Variants in LHFPL5 observed in about 807,000 individuals in gnomAD.
LHFPL5 encodes the protein LHFPL tetraspan subfamily member 5 protein.
LHFPL5 carries 12 observed loss-of-function variants against 18.7 expected under a neutral mutation model. The ratio of observed to expected loss-of-function variants is 0.64; its 90% CI spans 0.41 to 1.04. The LOEUF is 1.04. LHFPL5 is among the 50% of genes least tolerant of loss of function. The probability of loss-of-function intolerance (pLI) is 0.00; values close to 1 mark genes in which losing one functional copy is unlikely to be tolerated. For synonymous variants in LHFPL5, 111 were observed against 120.2 expected, an observed-to-expected ratio of 0.92 and a Z score of 0.50; for missense variants, 259 against 292.1, an observed-to-expected ratio of 0.89 and a Z score of 0.83.
chr6:35,813,795 T>C (rs1369381891), intron 1 of LHFPL5, among the ~76,000 whole-genome samples: 16 of 145,602 alleles, frequency 1.1e-4, no homozygotes, highest in Non-Finnish European at 2.1e-4. Context: ...CCTTTTCCTT[T>C]TTTTTTTTTT....
At chr6:35,819,938 CA>C in intron 3 of LHFPL5, 1 of 197,796 alleles carries the variant, frequency 5.1e-6, no homozygotes. Flanking sequence ...CCCTGCCTCC[CA>C]AAGTGCTGGG....
rs1768895025 is a variant in LHFPL5 at position 35,823,041 on chromosome 6, T to G, written c.*76T>G. On this transcript the variant is annotated 3_prime_UTR_variant, in exon 4 of 4. Coordinates refer to ENST00000360215, the MANE Select transcript of LHFPL5 (RefSeq NM_182548.4). Reference sequence around the variant, plus strand: ...ATCAAATTCTTCAGAGATAAGAACTTGTTCTTCCAAGTTTCCTTGTTCCTG... The same window carrying G: ...ATCAAATTCTTCAGAGATAAGAACTGGTTCTTCCAAGTTTCCTTGTTCCTG... 1 of 152,186 alleles carries G rather than the reference T, an allele frequency of 6.6e-6. No homozygotes were observed. The highest frequency in any genetic ancestry group is 2.1e-4 in the South Asian group (1 of 4,826). The allele number at this position is 152,186 out of a possible 1,614,324, so 9.4% of individuals were successfully genotyped here.
chr6:35,822,675 T>C (rs1768887956), intron 3 of LHFPL5, among the ~76,000 whole-genome samples: 1 of 152,060 alleles, frequency 6.6e-6, no homozygotes. Flanking sequence ...GCCTGGCTAA[T>C]TTTTTGTATT....
At position 35,808,867 on chromosome 6, in the gene LHFPL5, G is replaced by A. The variant is rs887584769; in HGVS notation, c.412+2785G>A. 2.0e-5 allele frequency among the ~76,000 whole-genome samples: 3 copies of A among 152,102 alleles called. No homozygotes were observed. The East Asian group carries it at 5.8e-4, about 30-fold the overall frequency. ...ACACTATCTGGGTAGAAAAGCTGGA[G>A]ACACTGATAGCAGAGGTGGCCAGGT... is the stretch of plus-strand genomic sequence containing the variant. On this transcript the variant is annotated intron_variant, in intron 1 of 3. Transcript: ENST00000360215.
chr6:35,817,468 C>T (rs1768786626), intron 2 of LHFPL5, among the ~76,000 whole-genome samples: 2 of 152,024 alleles, frequency 1.3e-5, no homozygotes, highest in African/African-American at 4.8e-5. Context: ...TGGATAAGAT[C>T]TAGAATCCAG....
chr6:35,815,513 C>T (rs1285271385), intron 2 of LHFPL5, among the ~76,000 whole-genome samples: 1 of 152,166 alleles, frequency 6.6e-6, no homozygotes, highest in Non-Finnish European at 1.5e-5. Context: ...AAGGGCAAGG[C>T]CTGTCTTGCA....
Position 35,805,952 on chromosome 6 carries a change from C to A in LHFPL5, c.282C>A (p.Phe94Leu). 1 of 1,614,240 alleles carries A rather than the reference C, an allele frequency of 6.2e-7. No individual in the cohort carries two copies. Among genetic ancestry groups the A allele is most frequent in the Non-Finnish European group, 8.5e-7 (1 of 1,180,030 alleles). ...TCTCCTCCATCCCCTCTAGAGCCTT[C>A]AAGACTGCCATGTTCTTTGTGGCCT... ...LDFSSIPSRAFKTAMFFVALG... is the reference protein window; with the variant it reads ...LDFSSIPSRALKTAMFFVALG... The change falls in exon 1 of 4, where the codon TTC becomes TTA. Residue 94 changes from phenylalanine to leucine, a missense_variant. Transcript: ENST00000360215. This position sits in a 1 kb window ranked among gnomAD's most constrained non-coding sequence, Gnocchi z 4.3.
intron 1 of LHFPL5, among the ~76,000 whole-genome samples, chr6:35,808,821 T>C (rs1048940074): frequency 4.7e-5 from 7 of 150,134 alleles, no homozygotes; most frequent in Non-Finnish European, 7.4e-5. Context: ...GGGGGAGGGG[T>C]TGACAGGCCA....
chr6:35,818,687 G>T (rs1768814648), intron 2 of LHFPL5, among the ~76,000 whole-genome samples: 1 of 151,026 alleles, frequency 6.6e-6, no homozygotes, highest in Non-Finnish European at 1.5e-5. Flanking sequence ...AAAAGGAAGT[G>T]CTGAGGATCT....
intron 1 of LHFPL5, among the ~76,000 whole-genome samples, chr6:35,806,694 C>G (rs1396007103): frequency 1.3e-5 from 2 of 152,194 alleles, no homozygotes; most frequent in African/African-American, 4.8e-5. Flanking sequence ...AAACTTTCAT[C>G]TAAATTCCCC....
chr6:35,814,836 G>T lies in LHFPL5; in HGVS notation c.649+54G>T. The T allele has an allele frequency of 6.6e-7, 1 of 1,516,530 alleles. No individual in the cohort carries two copies. Among genetic ancestry groups the T allele is most frequent in the Non-Finnish European group, 9.2e-7 (1 of 1,091,512 alleles). The allele number at this position is 1,516,530 out of a possible 1,614,324, so 93.9% of individuals were successfully genotyped here. A position where few individuals can be genotyped will look rare whatever the true frequency, so the allele number is the denominator to read the frequency against. ...CCTGCCTGGAGACCCTGGGATGTGG[G>T]TGGGGGTTCATCTTAGCCAGTCCTC... On this transcript the variant is annotated intron_variant, in intron 2 of 3. Transcript: ENST00000360215. The surrounding 1 kb of genome is among the most constrained non-coding windows in gnomAD (Gnocchi z 4.2).
At position 35,806,055 on chromosome 6, in the gene LHFPL5, A is replaced by G. The variant is rs751822410; in HGVS notation, c.385A>G (p.Ile129Val). 1 of 1,614,114 alleles carries G rather than the reference A, an allele frequency of 6.2e-7. No individual in the cohort carries two copies. The highest frequency in any genetic ancestry group is 1.7e-5 in the Admixed American group (1 of 60,018). ...FICNTATVYK[I>V]CAWMQLAAAT... Reference sequence around the variant, plus strand: ...CTGCAACACGGCCACAGTCTATAAGATCTGTGCATGGATGCAGCTGGCTGC... The same window carrying G: ...CTGCAACACGGCCACAGTCTATAAGGTCTGTGCATGGATGCAGCTGGCTGC... The change falls in exon 1 of 4, where the codon ATC (isoleucine) becomes GTC (valine). Residue 129 changes from isoleucine to valine, a missense_variant. Transcript: ENST00000360215.
Position 35,814,908 on chromosome 6 carries a change from GAC to G in LHFPL5, c.649+131_649+132del, listed in dbSNP as rs961638855. ...GGGATGGGGACACCAAGACTAATCAGACACACCCCTTGTCCTCCCTGAAATCA... is the reference window on the plus strand; with the variant it reads ...GGGATGGGGACACCAAGACTAATCAGACACCCCTTGTCCTCCCTGAAATCA... On this transcript the variant is annotated intron_variant, in intron 2 of 3. Transcript: ENST00000360215. The surrounding 1 kb of genome is among the most constrained non-coding windows in gnomAD (Gnocchi z 4.2). 426 of 852,798 alleles carry G rather than the reference GAC, an allele frequency of 5.0e-4. 2 individuals carry two copies. The highest frequency in any genetic ancestry group is 6.5e-4 in the Middle Eastern group (3 of 4,582). 52.8% of individuals were successfully genotyped at this position (852,798 alleles called of 1,614,324 possible).
Position 35,805,895 on chromosome 6 carries a change from C to T in LHFPL5, c.225C>T (p.Ser75=), listed in dbSNP as rs541264130. ...FSYCVGNVLS[S]ELICKGGPLD... ...ACTGCGTGGGTAACGTGCTGTCCTCCGAGCTCATCTGCAAGGGCGGCCCCC... is the reference window on the plus strand; with the variant it reads ...ACTGCGTGGGTAACGTGCTGTCCTCTGAGCTCATCTGCAAGGGCGGCCCCC... The change falls in exon 1 of 4, where the codon TCC becomes TCT. Residue 75 remains serine, a synonymous_variant. Transcript: ENST00000360215. This position sits in a 1 kb window ranked among gnomAD's most constrained non-coding sequence, Gnocchi z 4.3. 2.6e-5 allele frequency: 42 copies of T among 1,614,202 alleles called. No individual in the cohort carries two copies. The highest frequency in any genetic ancestry group is 5.5e-5 in the South Asian group (5 of 91,084).
chr6:35,809,380 C>T (rs146179097), intron 1 of LHFPL5, among the ~76,000 whole-genome samples: 3 of 152,076 alleles, frequency 2.0e-5, no homozygotes, highest in Admixed American at 6.6e-5. Context: ...GGCATTAGCA[C>T]GAGATCTCTG....
Position 35,806,202 on chromosome 6 carries a change from G to C in LHFPL5, c.412+120G>C, listed in dbSNP as rs902422873. 55 of 1,020,752 alleles carry C rather than the reference G, an allele frequency of 5.4e-5. No homozygotes were observed. In the East Asian group the frequency reaches 1.4e-3, roughly 26 times the overall value. The allele number at this position is 1,020,752 out of a possible 1,614,324, so 63.2% of individuals were successfully genotyped here. A position where few individuals can be genotyped will look rare whatever the true frequency, so the allele number is the denominator to read the frequency against. ...AATTTAGCTGTTCTCCTATAGCCCA[G>C]TCCTACTCAGTGCTCTGCAGAAGAT... is the stretch of plus-strand genomic sequence containing the variant. On this transcript the variant is annotated intron_variant, in intron 1 of 3. Coordinates refer to ENST00000360215, the MANE Select transcript of LHFPL5 (RefSeq NM_182548.4).
rs1482537318 is a variant in LHFPL5, at chr6:35,823,384, TATATACAC to T, written c.*421_*428del. On this transcript the variant is annotated 3_prime_UTR_variant, in exon 4 of 4. Coordinates refer to ENST00000360215, the MANE Select transcript of LHFPL5 (RefSeq NM_182548.4). ...GTCTGATAGCATACACACACACATA[TATATACAC>T]ACACACACACACACACACACACACA... is the stretch of plus-strand genomic sequence containing the variant. The T allele has an allele frequency of 3.5e-4, 18 of 51,012 alleles. No homozygotes were observed. Among genetic ancestry groups the T allele is most frequent in the African/African-American group, 1.6e-3 (18 of 11,558 alleles). The allele number at this position is 51,012 out of a possible 1,614,324, so 3.2% of individuals were successfully genotyped here. A position where few individuals can be genotyped will look rare whatever the true frequency, so the allele number is the denominator to read the frequency against.
intron 1 of LHFPL5, among the ~76,000 whole-genome samples, chr6:35,812,598 A>C (rs1222196118): frequency 6.6e-6 from 1 of 152,204 alleles, no homozygotes; most frequent in Non-Finnish European, 1.5e-5. Flanking sequence ...ACAGGGTGTG[A>C]TAATAACTCT....
intron 3 of LHFPL5, chr6:35,819,682 CTTT>C (rs5875523): frequency 4.0e-5 from 20 of 506,096 alleles, no homozygotes; most frequent in Non-Finnish European, 3.9e-5. Context: ...TTACCTGTGT[CTTT>C]TTTTTTTTTG....
Sources: gnomAD v4.1 joint callset for allele counts (sites outside exome capture counted in the v4.1 genomes callset) on GRCh38, gnomAD v4.1.1 for gene constraint, Gnocchi (gnomAD v3.1) non-coding constraint, MANE v1.5 for transcripts, NCBI Gene and HGNC (gene_info 2026-07-23, HGNC 2026-07-21) for gene names.